The following SPINK14 variants were observed in gnomAD, a reference collection of about 807,000 sequenced individuals.
SPINK14 encodes serine protease inhibitor Kazal-type 14.
SPINK14 carries 6 observed loss-of-function variants against 14.2 expected under a neutral mutation model. The observed-to-expected ratio is 0.42, with a 90% CI of 0.23 to 0.83. The LOEUF is 0.83. SPINK14 is among the 40% of genes least tolerant of loss of function. The pLI is 0.28. For synonymous variants in SPINK14, 34 were observed against 36.8 expected, an observed-to-expected ratio of 0.92 and a Z score of 0.27; for missense variants, 86 against 108.3, an observed-to-expected ratio of 0.79 and a Z score of 0.91.
chr5:148,172,056 C>G (rs1157325539), intron 3 of SPINK14, among the ~76,000 whole-genome samples: 2 of 151,712 alleles, frequency 1.3e-5, no homozygotes, highest in African/African-American at 2.4e-5. Context: ...TTGCAGATAA[C>G]CAAAAAAGGA....
chr5:148,169,011 C>T (rs891569515), intron 1 of SPINK14, among the ~76,000 whole-genome samples: 7 of 152,100 alleles, frequency 4.6e-5, no homozygotes, highest in African/African-American at 1.7e-4. Flanking sequence ...CTGCAGTTTC[C>T]ATTCTCTGGG....
At chr5:148,173,982 A>C (rs1307956744) in intron 3 of SPINK14, among the ~76,000 whole-genome samples, 2 of 85,308 alleles carry the variant, frequency 2.3e-5, no homozygotes, top group East Asian at 5.4e-4. Flanking sequence ...CTGGGACTGC[A>C]GGCGTGCACC....
chr5:148,171,008 A>G, intron 3 of SPINK14, 35 bp downstream of exon 3: 3 of 1,592,318 alleles, frequency 1.9e-6, no homozygotes, highest in Non-Finnish European at 2.6e-6. Flanking sequence ...CAGGACTTAC[A>G]TTATAATATG....
At chr5:148,169,965 G>GTATATATA (rs371403718) in intron 2 of SPINK14, among the ~76,000 whole-genome samples, 166 bp downstream of exon 2, 4,751 of 144,900 alleles carry the variant, frequency 0.033, 115 homozygotes, top group South Asian at 0.097. Context: ...GTGTATATAT[G>GTATATATA]TATATATATA....
Position 148,169,912 on chromosome 5 carries a change from A to T in SPINK14, c.67+113A>T. The T allele has an allele frequency of 7.4e-6, 4 of 542,008 alleles. No homozygotes were observed. In the South Asian group the frequency reaches 1.3e-4, roughly 18 times the overall value. The allele number at this position is 542,008 out of a possible 1,614,324, so 33.6% of individuals were successfully genotyped here. On this transcript the variant is annotated intron_variant, in intron 2 of 4. Coordinates refer to ENST00000356972, the MANE Select transcript of SPINK14 (RefSeq NM_001001325.2). ...TTCTTTAACTGGGATGAATATATAT[A>T]TATGTGTATATATATATAAATTATC...
At position 148,172,909 on chromosome 5, in the gene SPINK14, G is replaced by A. The variant is rs143692040; in HGVS notation, c.112-1325G>A. Among the ~76,000 whole-genome samples, 524 of 152,162 alleles carry A rather than the reference G, an allele frequency of 3.4e-3. 5 individuals carry two copies. The highest frequency in any genetic ancestry group is 0.012 in the African/African-American group (508 of 41,532). ...AAGCAAGGTAGTATCAGGTAAGGGC[G>A]GAAGATTTGGGAGGTTCCAGGTCAC... On this transcript the variant is annotated intron_variant, in intron 3 of 4. Transcript: ENST00000356972.
At chr5:148,169,174 A>T (rs552690248) in intron 1 of SPINK14, among the ~76,000 whole-genome samples, 1 of 152,262 alleles carries the variant, frequency 6.6e-6, no homozygotes, top group South Asian at 2.1e-4. Context: ...AGAGTCTGGG[A>T]TTCAACATCA....
Position 148,170,918 on chromosome 5 carries a change from T to C in SPINK14, c.68-12T>C. ...GAATTAAATTCTGTAACTATTTTCA[T>C]GTATTCTCTAGTTTCAGGCCCTAGA... On this transcript the variant is annotated splice_polypyrimidine_tract_variant and intron_variant, in intron 2 of 4. Coordinates refer to ENST00000356972, the MANE Select transcript of SPINK14 (RefSeq NM_001001325.2). 6.2e-7 allele frequency: 1 copy of C among 1,608,526 alleles called. No individual in the cohort carries two copies. The highest frequency in any genetic ancestry group is 8.5e-7 in the Non-Finnish European group (1 of 1,175,442).
chr5:148,172,669 TA>T (rs1440329563), intron 3 of SPINK14, among the ~76,000 whole-genome samples: 2 of 152,128 alleles, frequency 1.3e-5, no homozygotes, highest in Non-Finnish European at 1.5e-5. Flanking sequence ...TGATTAAAAG[TA>T]TAAAAATAAA....
intron 3 of SPINK14, 28 bp downstream of exon 3, chr5:148,171,001 G>A (rs531878902): frequency 6.2e-7 from 1 of 1,603,774 alleles, no homozygotes; most frequent in East Asian, 2.2e-5. Flanking sequence ...TTCCCCCCAG[G>A]ACTTACATTA....
At chr5:148,173,855 A>ATTTT (rs748334872) in intron 3 of SPINK14, among the ~76,000 whole-genome samples, 1 of 68,468 alleles carries the variant, frequency 1.5e-5, no homozygotes, top group African/African-American at 6.8e-5. Flanking sequence ...CTATGCTTAG[A>ATTTT]TTTTTTTTTT....
At chr5:148,170,167 T>TACACACACACAC (rs1377265238) in intron 2 of SPINK14, among the ~76,000 whole-genome samples, 11 of 99,248 alleles carry the variant, frequency 1.1e-4, no homozygotes, top group African/African-American at 3.7e-4. Context: ...AGTATATATA[T>TACACACACACAC]ATATATACAC....
At chr5:148,171,045 G>T in intron 3 of SPINK14, 72 bp downstream of exon 3, 1 of 1,452,282 alleles carries the variant, frequency 6.9e-7, no homozygotes, top group Non-Finnish European at 9.6e-7. Context: ...AATTGTTACT[G>T]TGGAAACTTA....
chr5:148,173,491 AGAGAGT>A lies in SPINK14; in HGVS notation c.112-740_112-735del, dbSNP rs1227453287. 2.0e-5 allele frequency among the ~76,000 whole-genome samples: 2 copies of A among 101,122 alleles called. 1 individual carries two copies. Among genetic ancestry groups the A allele is most frequent in the African/African-American group, 8.0e-5 (2 of 25,010 alleles). 66.3% of individuals were successfully genotyped at this position (101,122 alleles called of 152,430 possible). On this transcript the variant is annotated intron_variant, in intron 3 of 4. Transcript: ENST00000356972. The stretch of plus-strand genomic sequence containing the variant: ...GAAATAGGAAATGGCTTGAGGATTT[AGAGAGT>A]GAAAAAAAAGTGATAAATATTTGAA...
At chr5:148,172,311 G>C (rs1755116512) in intron 3 of SPINK14, among the ~76,000 whole-genome samples, 1 of 152,098 alleles carries the variant, frequency 6.6e-6, no homozygotes. Flanking sequence ...AGCACAGACA[G>C]GGAAGAAAAG....
chr5:148,174,146 T>C, intron 3 of SPINK14, 88 bp from the exon 4 acceptor site: 2 of 783,680 alleles, frequency 2.6e-6, no homozygotes, highest in East Asian at 3.1e-5. Flanking sequence ...GCCTAGACTA[T>C]GCTTAGATTT....
At chr5:148,170,167 T>TACACACACACACAC (rs1377265238) in intron 2 of SPINK14, among the ~76,000 whole-genome samples, 1 of 99,224 alleles carries the variant, frequency 1.0e-5, no homozygotes, top group African/African-American at 3.3e-5. Flanking sequence ...AGTATATATA[T>TACACACACACACAC]ATATATACAC....
At chr5:148,171,857 G>C (rs1029884) in intron 3 of SPINK14, among the ~76,000 whole-genome samples, 84,573 of 151,750 alleles carry the variant, frequency 0.56, 23,917 homozygotes, top group Middle Eastern at 0.64. Context: ...TCATAAAGCT[G>C]AGTTCTGGAA....
intron 4 of SPINK14, 143 bp from the exon 5 acceptor site, chr5:148,175,210 T>C (rs1755151536): frequency 8.0e-6 from 1 of 125,520 alleles, no homozygotes; most frequent in Admixed American, 1.1e-4. Context: ...TTTTGTCTTT[T>C]GTCATTAGTC....
Sources: allele counts gnomAD v4.1 joint callset (sites outside exome capture counted in the v4.1 genomes callset), GRCh38; gene constraint gnomAD v4.1.1; transcripts MANE v1.5; gene names NCBI Gene and HGNC (gene_info 2026-07-23, HGNC 2026-07-21).